The following ARK2C variants were observed in gnomAD, a reference collection of about 807,000 sequenced individuals.
ARK2C encodes the protein arkadia (RNF111) C-terminal like ring finger ubiquitin ligase 2C.
At chr18:46,460,903 AC>A in the ARK2C span, 1,394 of 150,942 alleles carry the variant, frequency 9.2e-3, 9 homozygotes, top group Non-Finnish European at 0.015. Context: ...TACACTTGGC[AC>A]CCCCCCGCCC....
the ARK2C span, among the ~76,000 whole-genome samples, chr18:46,361,947 A>G: frequency 6.6e-6 from 1 of 152,262 alleles, no homozygotes; most frequent in South Asian, 2.1e-4. Context: ...ACTTACAGAA[A>G]TTAAGAAATA....
the ARK2C span, among the ~76,000 whole-genome samples, chr18:46,416,054 T>C: frequency 6.6e-6 from 1 of 152,174 alleles, no homozygotes; most frequent in Non-Finnish European, 1.5e-5. Context: ...TCATGGCTAA[T>C]TAACATGTCA....
the ARK2C span, among the ~76,000 whole-genome samples, chr18:46,423,897 G>A: frequency 3.9e-5 from 6 of 151,942 alleles, no homozygotes; most frequent in East Asian, 3.9e-4. Context: ...CCTTTCCCTC[G>A]TTCCTCCTTC....
chr18:46,411,680 G>C, the ARK2C span, among the ~76,000 whole-genome samples: 1 of 152,194 alleles, frequency 6.6e-6, no homozygotes, highest in African/African-American at 2.4e-5. Flanking sequence ...CCTTGAAAAA[G>C]TCTTCATGTT....
the ARK2C span, among the ~76,000 whole-genome samples, chr18:46,413,435 C>T: frequency 3.9e-5 from 6 of 152,068 alleles, no homozygotes; most frequent in Non-Finnish European, 5.9e-5. Flanking sequence ...GATAGGTGAG[C>T]GCTCCCTGGG....
chr18:46,396,034 G>A, the ARK2C span, among the ~76,000 whole-genome samples: 1 of 152,202 alleles, frequency 6.6e-6, no homozygotes, highest in Non-Finnish European at 1.5e-5. Context: ...GGTCTCTCAT[G>A]GTCCAGCAGG....
the ARK2C span, among the ~76,000 whole-genome samples, chr18:46,359,283 G>A: frequency 6.6e-6 from 1 of 152,164 alleles, no homozygotes; most frequent in African/African-American, 2.4e-5. Flanking sequence ...GGGAGAGAGG[G>A]ATCTTATGTA....
At chr18:46,386,608 G>A in the ARK2C span, 1 of 142,946 alleles carries the variant, frequency 7.0e-6, no homozygotes, top group Non-Finnish European at 1.5e-5. Flanking sequence ...CATTCCATCC[G>A]GCAGATAATT....
the ARK2C span, among the ~76,000 whole-genome samples, chr18:46,344,917 G>T: frequency 6.6e-6 from 1 of 152,246 alleles, no homozygotes; most frequent in African/African-American, 2.4e-5. Flanking sequence ...ACACCAGGGT[G>T]GTGGGCTGTG....
chr18:46,357,118 G>A, the ARK2C span, among the ~76,000 whole-genome samples: 8 of 152,272 alleles, frequency 5.3e-5, no homozygotes, highest in East Asian at 1.9e-4. Flanking sequence ...GTATGAACTC[G>A]TTGTTTTATC....
At chr18:46,348,069 G>A in the ARK2C span, among the ~76,000 whole-genome samples, 2 of 152,156 alleles carry the variant, frequency 1.3e-5, no homozygotes, top group South Asian at 4.1e-4. Flanking sequence ...ACAGACAGAC[G>A]CAGGAACAGC....
the ARK2C span, among the ~76,000 whole-genome samples, chr18:46,372,334 C>A: frequency 6.6e-6 from 1 of 152,226 alleles, no homozygotes; most frequent in Non-Finnish European, 1.5e-5. Context: ...AGGCAAGTCA[C>A]TTCGCTCTTC....
the ARK2C span, among the ~76,000 whole-genome samples, chr18:46,370,956 A>G: frequency 2.0e-5 from 3 of 152,198 alleles, no homozygotes; most frequent in Non-Finnish European, 4.4e-5. Context: ...ACTGCTAATA[A>G]AGACGTACGC....
At chr18:46,376,580 T>C in the ARK2C span, among the ~76,000 whole-genome samples, 3 of 151,838 alleles carry the variant, frequency 2.0e-5, no homozygotes, top group Admixed American at 2.0e-4. Context: ...TGCAAGATTA[T>C]GCCCCTGTGA....
At chr18:46,456,575 T>C in the ARK2C span, 2 of 1,614,164 alleles carry the variant, frequency 1.2e-6, no homozygotes, top group Admixed American at 3.3e-5. Flanking sequence ...TGGCTCGCCA[T>C]GAGCAAGAAA....
At chr18:46,367,540 G>T in the ARK2C span, among the ~76,000 whole-genome samples, 1 of 152,070 alleles carries the variant, frequency 6.6e-6, no homozygotes, top group Admixed American at 6.5e-5. Flanking sequence ...ATAATAGGTG[G>T]GTCTATTGGA....
At chr18:46,420,549 G>T in the ARK2C span, among the ~76,000 whole-genome samples, 5 of 152,154 alleles carry the variant, frequency 3.3e-5, no homozygotes, top group Admixed American at 2.0e-4. Context: ...TGTCTTGAAA[G>T]TTATTGGGGT....
the ARK2C span, among the ~76,000 whole-genome samples, chr18:46,381,795 C>A: frequency 1.3e-5 from 2 of 151,890 alleles, no homozygotes; most frequent in Non-Finnish European, 2.9e-5. Flanking sequence ...TCTACCACTG[C>A]ACCCTAATCT....
chr18:46,445,320 A>ATT, the ARK2C span, among the ~76,000 whole-genome samples: 1 of 152,090 alleles, frequency 6.6e-6, no homozygotes. Context: ...AAGACTCATA[A>ATT]ATAAGTCTCA....
Sources: gnomAD v4.1 joint callset for allele counts (sites outside exome capture counted in the v4.1 genomes callset) on GRCh38, gnomAD v4.1.1 for gene constraint, MANE v1.5 for transcripts, NCBI Gene and HGNC (gene_info 2026-07-23, HGNC 2026-07-21) for gene names.